Variants in IL13RA1 observed in about 807,000 individuals in gnomAD.
The protein encoded by IL13RA1 is interleukin 13 receptor subunit alpha 1, also known as interleukin-13 receptor subunit alpha-1.
IL13RA1 carries 14 observed loss-of-function variants against 33.8 expected under a neutral mutation model. The observed-to-expected ratio is 0.41, with a 90% CI of 0.27 to 0.65. The LOEUF is 0.65. IL13RA1 is among the 30% of genes least tolerant of loss of function. The probability of loss-of-function intolerance (pLI) is 0.28; values close to 1 mark genes in which losing one functional copy is unlikely to be tolerated. For missense variants in IL13RA1, 313 were observed against 327.0 expected (o/e 0.96, Z 0.33); for synonymous variants, 116 against 115.7 (o/e 1.00, Z -0.02).
intron 10 of IL13RA1, among the ~76,000 whole-genome samples, chrX:118,776,831 G>A (rs946058203): frequency 9.2e-6 from 1 of 108,150 alleles, no homozygotes; most frequent in African/African-American, 3.4e-5. Context: ...GGGTGCAGCG[G>A]CATGCACCTG....
intron 10 of IL13RA1, 117 bp downstream of exon 10, chrX:118,776,628 G>A: frequency 2.6e-6 from 1 of 387,513 alleles, no homozygotes; most frequent in Non-Finnish European, 4.3e-6. Context: ...ATTATTTTAA[G>A]CATTTTTAAG....
intron 1 of IL13RA1, among the ~76,000 whole-genome samples, chrX:118,729,649 A>G (rs2017194294): frequency 8.9e-6 from 1 of 112,526 alleles, no homozygotes; most frequent in Non-Finnish European, 1.9e-5. Flanking sequence ...CTTAATTATA[A>G]CTAGCATGTA....
intron 4 of IL13RA1, among the ~76,000 whole-genome samples, chrX:118,757,081 G>A (rs1427927426): frequency 2.7e-5 from 3 of 111,866 alleles, no homozygotes; most frequent in Non-Finnish European, 5.6e-5. Context: ...AAGGAGCAGG[G>A]CAGAGGGACC....
rs112460372 is a variant in IL13RA1 at position 118,774,058 on chromosome X, T to C, written c.1106+83T>C. 0.015 allele frequency: 8,162 copies of C among 528,229 alleles called. 462 individuals are homozygous for C. The African/African-American group carries it at 0.17, about 11-fold the overall frequency. The allele number at this position is 528,229 out of a possible 1,213,427, so 43.5% of individuals were successfully genotyped here. A position where few individuals can be genotyped will look rare whatever the true frequency, so the allele number is the denominator to read the frequency against. On this transcript the variant is annotated intron_variant, in intron 9 of 10. Coordinates refer to ENST00000371666, the MANE Select transcript of IL13RA1 (RefSeq NM_001560.3). ...TTACTTTTAGTGCTTGTGTTTTATG[T>C]CTGCCCAGTGTATTAGAAGCATGTT...
At chrX:118,734,661 A>T (rs776481292) in intron 1 of IL13RA1, among the ~76,000 whole-genome samples, 1 of 112,391 alleles carries the variant, frequency 8.9e-6, no homozygotes, top group Non-Finnish European at 1.9e-5. Context: ...TTCCAGGAAT[A>T]AATCCCACTT....
At chrX:118,789,232 A>G (rs747698343) in intron 10 of IL13RA1, among the ~76,000 whole-genome samples, 109 of 112,244 alleles carry the variant, frequency 9.7e-4, no homozygotes, top group Non-Finnish European at 1.6e-3. Context: ...TATAACATAC[A>G]CTGTTAGGTG....
intron 10 of IL13RA1, among the ~76,000 whole-genome samples, chrX:118,781,542 G>A (rs1382407566): frequency 9.0e-6 from 1 of 111,409 alleles, no homozygotes; most frequent in Non-Finnish European, 1.9e-5. Context: ...AGTAGAAATG[G>A]GGTTTTGCCA....
intron 1 of IL13RA1, among the ~76,000 whole-genome samples, chrX:118,730,494 G>A (rs980132342): frequency 2.7e-5 from 3 of 111,459 alleles, no homozygotes; most frequent in South Asian, 7.4e-4. Flanking sequence ...TTCCAGGTGG[G>A]GGCAATAGCA....
At chrX:118,800,464 A>T in the IL13RA1 span, among the ~76,000 whole-genome samples, 2 of 110,053 alleles carry the variant, frequency 1.8e-5, no homozygotes, top group Non-Finnish European at 3.8e-5. Flanking sequence ...GCTGTAACAC[A>T]CACCGCCAAG....
intron 1 of IL13RA1, among the ~76,000 whole-genome samples, chrX:118,733,107 T>C: frequency 8.9e-6 from 1 of 112,332 alleles, no homozygotes. Context: ...ATTATGAACC[T>C]GGGTGTAGAA....
chrX:118,760,270 C>T (rs2017577105), intron 5 of IL13RA1, among the ~76,000 whole-genome samples: 1 of 112,040 alleles, frequency 8.9e-6, no homozygotes, highest in African/African-American at 3.2e-5. Context: ...ACTTAAGATA[C>T]CTCATAGGAG....
intron 8 of IL13RA1, among the ~76,000 whole-genome samples, chrX:118,771,965 T>C (rs975922040): frequency 8.9e-6 from 1 of 111,838 alleles, no homozygotes; most frequent in African/African-American, 3.3e-5. Context: ...AGAGTGAGAC[T>C]CTGTCTCAAA....
At chrX:118,751,900 C>CAAAAAAAAA (rs34902050) in intron 4 of IL13RA1, among the ~76,000 whole-genome samples, 1 of 49,014 alleles carries the variant, frequency 2.0e-5, no homozygotes, top group Non-Finnish European at 4.2e-5. Flanking sequence ...GAATAGAATG[C>CAAAAAAAAA]AAAAAAAAAA....
At chrX:118,733,199 G>T (rs1005933290) in intron 1 of IL13RA1, among the ~76,000 whole-genome samples, 68 of 112,126 alleles carry the variant, frequency 6.1e-4, no homozygotes, top group African/African-American at 1.9e-3. Context: ...AATTCTATTT[G>T]TAATTTTTTT....
At chrX:118,777,688 G>A (rs2017801221) in intron 10 of IL13RA1, among the ~76,000 whole-genome samples, 1 of 111,880 alleles carries the variant, frequency 8.9e-6, no homozygotes, top group South Asian at 3.7e-4. Context: ...TACCCCAACT[G>A]TTATAGTTGG....
chrX:118,800,532 C>T, the IL13RA1 span, among the ~76,000 whole-genome samples: 2 of 110,633 alleles, frequency 1.8e-5, no homozygotes, highest in African/African-American at 6.6e-5. Context: ...GGAAGAAACT[C>T]GGAACACATC....
At chrX:118,784,090 A>AAAAAAATATATATAT (rs1556372973) in intron 10 of IL13RA1, among the ~76,000 whole-genome samples, 5 of 63,955 alleles carry the variant, frequency 7.8e-5, no homozygotes, top group African/African-American at 3.7e-4. Context: ...AAAAAAAAAA[A>AAAAAAATATATATAT]ATATATATAT....
intron 10 of IL13RA1, among the ~76,000 whole-genome samples, chrX:118,785,567 CTTTTA>C (rs2017906994): frequency 9.0e-6 from 1 of 111,177 alleles, no homozygotes; most frequent in African/African-American, 3.3e-5. Context: ...TTTTCCTTTA[CTTTTA>C]TTTTGTTTTA....
rs139145413 is a variant in IL13RA1 at position 118,772,279 on chromosome X, G to A, written c.1010-1600G>A. ...TCTGTGTGTGTGGGTGTGTGCGTGC[G>A]CACACGTGCGTACTTACAAAGGGCT... is the stretch of plus-strand genomic sequence containing the variant. On this transcript the variant is annotated intron_variant, in intron 8 of 10. Coordinates refer to ENST00000371666, the MANE Select transcript of IL13RA1 (RefSeq NM_001560.3). Among the ~76,000 whole-genome samples the A allele has an allele frequency of 6.0e-3, 678 of 112,635 alleles. 4 individuals are homozygous for A. The highest frequency in any genetic ancestry group is 0.02 in the African/African-American group (609 of 31,059).
Sources: gnomAD v4.1 joint callset for allele counts (sites outside exome capture counted in the v4.1 genomes callset) on GRCh38, gnomAD v4.1.1 for gene constraint, MANE v1.5 for transcripts, NCBI Gene and HGNC (gene_info 2026-07-23, HGNC 2026-07-21) for gene names.